Variants in ABCC9 observed in about 807,000 individuals in gnomAD.
ABCC9 encodes ATP-binding cassette sub-family C member 9.
Under a neutral mutation model 188.3 loss-of-function variants are expected in ABCC9, and 95 were observed. The observed-to-expected ratio is 0.50, with a 90% CI of 0.43 to 0.60. The LOEUF (loss-of-function observed/expected upper bound fraction) is 0.60. Ranked by LOEUF, ABCC9 falls within the 20% of genes least tolerant of loss-of-function variation. The pLI is 0.00. For missense variants in ABCC9, 1,102 were observed against 1,876.3 expected (o/e 0.59, Z 7.62); for synonymous variants, 659 against 652.7 (o/e 1.01, Z -0.15).
intron 10 of ABCC9, among the ~76,000 whole-genome samples, chr12:21,908,710 G>A (rs1028563216): frequency 1.2e-4 from 18 of 151,984 alleles, no homozygotes; most frequent in Admixed American, 1.2e-3. Flanking sequence ...AAAGGAATGA[G>A]CTGAGCTCCT....
At chr12:21,876,091 T>C (rs1592129102) in intron 16 of ABCC9, among the ~76,000 whole-genome samples, 1 of 152,082 alleles carries the variant, frequency 6.6e-6, no homozygotes, top group African/African-American at 2.4e-5. Flanking sequence ...TTGTAAGTAC[T>C]AAAAGACTCA....
intron 5 of ABCC9, 106 bp downstream of exon 5, chr12:21,925,836 C>G: frequency 8.1e-7 from 1 of 1,239,662 alleles, no homozygotes; most frequent in South Asian, 1.3e-5. Context: ...CTTTCTACTC[C>G]CCACACACTC....
intron 38 of ABCC9, among the ~76,000 whole-genome samples, chr12:21,806,594 T>C (rs1941863789): frequency 6.6e-6 from 1 of 152,204 alleles, no homozygotes; most frequent in Admixed American, 6.5e-5. Flanking sequence ...GTTCAATTTT[T>C]AAAGTGAAGG....
At chr12:21,933,163 A>G (rs1949353808) in intron 4 of ABCC9, among the ~76,000 whole-genome samples, 1 of 151,640 alleles carries the variant, frequency 6.6e-6, no homozygotes, top group Non-Finnish European at 1.5e-5. Context: ...TCACTTGGTA[A>G]ATGATGAGAA....
At chr12:21,860,807 G>T (rs993228739) in intron 21 of ABCC9, among the ~76,000 whole-genome samples, 164 bp downstream of exon 21, 29 of 152,154 alleles carry the variant, frequency 1.9e-4, no homozygotes, top group Admixed American at 3.3e-4. Context: ...GTAAGAAAGA[G>T]TGGCATCAAA....
At chr12:21,818,275 T>G in intron 31 of ABCC9, 24 bp from the exon 32 acceptor site, 1 of 1,595,672 alleles carries the variant, frequency 6.3e-7, no homozygotes, top group Non-Finnish European at 8.6e-7. Context: ...AGAGAAAATG[T>G]TAAAAGGTTA....
At chr12:21,872,421 AT>A (rs1946126778) in intron 18 of ABCC9, among the ~76,000 whole-genome samples, 1 of 152,210 alleles carries the variant, frequency 6.6e-6, no homozygotes, top group Non-Finnish European at 1.5e-5. Flanking sequence ...AGTTTATACT[AT>A]TATAAACAAC....
At chr12:21,836,337 C>T (rs181929117) in intron 30 of ABCC9, among the ~76,000 whole-genome samples, 154 of 152,316 alleles carry the variant, frequency 1.0e-3, no homozygotes, top group Admixed American at 2.2e-3. Flanking sequence ...GCACTGGCCT[C>T]TACTATGGTT....
intron 5 of ABCC9, among the ~76,000 whole-genome samples, chr12:21,920,086 C>T (rs1948748441): frequency 6.6e-6 from 1 of 151,848 alleles, no homozygotes; most frequent in African/African-American, 2.4e-5. Flanking sequence ...TAAAAGAAAA[C>T]TTACTAGGCA....
chr12:21,933,679 A>T (rs377052532), intron 4 of ABCC9, 103 bp downstream of exon 4: 1 of 1,423,232 alleles, frequency 7.0e-7, no homozygotes, highest in Non-Finnish European at 9.8e-7. Context: ...AGAGCAAAAA[A>T]TATAAAGCAC....
rs886603346 is a variant in ABCC9 at position 21,941,275 on chromosome 12, C to T, written c.-212G>A. On this transcript the variant is annotated 5_prime_UTR_variant, in exon 1 of 40. Coordinates refer to ENST00000261200, the MANE Select transcript of ABCC9 (RefSeq NM_020297.4). This position sits in a 1 kb window ranked among gnomAD's most constrained non-coding sequence, Gnocchi z 5.4. ...GATTATTTTTAGGGTGGTGGGAGACCAGCTGCTGCCTCCTATCGAGTTTCT... is the reference window on the plus strand; with the variant it reads ...GATTATTTTTAGGGTGGTGGGAGACTAGCTGCTGCCTCCTATCGAGTTTCT... The T allele has an allele frequency of 2.0e-5, 3 of 152,332 alleles. No individual in the cohort carries two copies. The highest frequency in any genetic ancestry group is 4.4e-5 in the Non-Finnish European group (3 of 68,118). The allele number at this position is 152,332 out of a possible 1,614,324, so 9.4% of individuals were successfully genotyped here.
At chr12:21,926,126 C>T in intron 4 of ABCC9, 63 bp from the exon 5 acceptor site, 6 of 1,606,044 alleles carry the variant, frequency 3.7e-6, no homozygotes, top group Non-Finnish European at 5.1e-6. Context: ...TATTTTTTTT[C>T]AAATTTTTTC....
intron 25 of ABCC9, 24 bp downstream of exon 25, chr12:21,848,126 C>A (rs974758016): frequency 1.9e-6 from 3 of 1,598,810 alleles, no homozygotes; most frequent in Admixed American, 3.3e-5. Flanking sequence ...TTAGAATGTT[C>A]CAGATAAAAG....
intron 18 of ABCC9, among the ~76,000 whole-genome samples, chr12:21,871,444 C>G (rs902234998): frequency 2.6e-5 from 4 of 152,174 alleles, no homozygotes; most frequent in African/African-American, 9.7e-5. Context: ...GCCAATGACA[C>G]TGAAAACAGG....
chr12:21,898,667 C>T (rs939012337), intron 12 of ABCC9, among the ~76,000 whole-genome samples: 4 of 152,048 alleles, frequency 2.6e-5, no homozygotes, highest in Admixed American at 2.6e-4. Flanking sequence ...TTGGGAGCAA[C>T]AAAGATGAGC....
At chr12:21,822,013 T>C (rs1042911157) in intron 31 of ABCC9, among the ~76,000 whole-genome samples, 1 of 152,164 alleles carries the variant, frequency 6.6e-6, no homozygotes, top group Non-Finnish European at 1.5e-5. Context: ...TAAAATGTTT[T>C]AGAAATATTA....
chr12:21,933,652 A>C, intron 4 of ABCC9, 130 bp downstream of exon 4: 46 of 973,540 alleles, frequency 4.7e-5, no homozygotes, highest in Non-Finnish European at 6.1e-5. Context: ...ACTTCCTGCA[A>C]GAGCTACATG....
chr12:21,812,280 T>A, intron 35 of ABCC9, 123 bp from the exon 36 acceptor site: 1 of 731,956 alleles, frequency 1.4e-6, no homozygotes, highest in Non-Finnish European at 2.4e-6. Context: ...CTTTTCCATT[T>A]AAGCATGTGG....
chr12:21,910,256 C>T lies in ABCC9; in HGVS notation c.1221G>A (p.Glu407=). ...RLSTSNLSMG[E]MTLGQINNLV... ...AGTTGTTGATCTGCCCCAGAGTCAT[C>T]TCCCCCATGGATAAGTTAGACGTAG... The change falls in exon 10 of 40, where the codon GAG becomes GAA. Residue 407 remains glutamate (E), a synonymous_variant. Coordinates refer to ENST00000261200, the MANE Select transcript of ABCC9 (RefSeq NM_020297.4). The T allele has an allele frequency of 6.2e-7, 1 of 1,610,966 alleles. No individual in the cohort carries two copies. Among genetic ancestry groups the T allele is most frequent in the Non-Finnish European group, 8.5e-7 (1 of 1,178,450 alleles).
Sources: gnomAD v4.1 joint callset for allele counts (sites outside exome capture counted in the v4.1 genomes callset) on GRCh38, gnomAD v4.1.1 for gene constraint, Gnocchi (gnomAD v3.1) non-coding constraint, MANE v1.5 for transcripts, NCBI Gene and HGNC (gene_info 2026-07-23, HGNC 2026-07-21) for gene names.